NOC3L: variants seen among roughly 807,000 people sequenced by gnomAD.
NOC3L encodes the protein NOC3 like DNA replication regulator.
Under a neutral mutation model 102.5 loss-of-function variants are expected in NOC3L, and 85 were observed. The ratio of observed to expected loss-of-function variants is 0.83; its 90% CI spans 0.70 to 0.99. The LOEUF (loss-of-function observed/expected upper bound fraction) is 0.99. Among genes scored for constraint, NOC3L ranks in the 50% least tolerant of loss-of-function variants. The probability of loss-of-function intolerance (pLI) is 0.00; values close to 1 mark genes in which losing one functional copy is unlikely to be tolerated. For synonymous variants in NOC3L, 303 were observed against 309.4 expected (o/e 0.98, Z 0.22); for missense variants, 878 against 914.9 (o/e 0.96, Z 0.52).
chr10:94,361,559 G>A (rs1233386030), intron 2 of NOC3L, 106 bp downstream of exon 2: 3 of 1,035,012 alleles, frequency 2.9e-6, no homozygotes, highest in Non-Finnish European at 4.4e-6. Flanking sequence ...ACTCTAGGAA[G>A]ATCTGAGAAC....
chr10:94,324,791 A>G, the NOC3L span: 2 of 1,241,206 alleles, frequency 1.6e-6, no homozygotes, highest in African/African-American at 3.0e-5. Context: ...CTCTCTCCAA[A>G]GCTCTAGAGA....
chr10:94,359,780 A>G (rs1261300092), intron 2 of NOC3L, among the ~76,000 whole-genome samples: 1 of 151,978 alleles, frequency 6.6e-6, no homozygotes, highest in Non-Finnish European at 1.5e-5. Context: ...ACTCTCATAC[A>G]CTCTTGGTGG....
chr10:94,334,083 T>G lies in NOC3L; in HGVS notation c.*94A>C. 1 of 648,506 alleles carries G rather than the reference T, an allele frequency of 1.5e-6. No homozygotes were observed. Among genetic ancestry groups the G allele is most frequent in the Non-Finnish European group, 2.7e-6 (1 of 368,868 alleles). 40.2% of individuals were successfully genotyped at this position (648,506 alleles called of 1,614,324 possible). On this transcript the variant is annotated 3_prime_UTR_variant, in exon 21 of 21. Transcript: ENST00000371361. Reference sequence around the variant, plus strand: ...CTAGACATTCTTAGGAAGCTTTCCTTGTATAAAAAGAAAAGATCCTAAGTT... The same window carrying G: ...CTAGACATTCTTAGGAAGCTTTCCTGGTATAAAAAGAAAAGATCCTAAGTT...
Position 94,349,231 on chromosome 10 carries a change from T to TA in NOC3L, c.1257+18dup, listed in dbSNP as rs372355244. 5,809 of 1,172,388 alleles carry TA rather than the reference T, an allele frequency of 5.0e-3. No individual in the cohort carries two copies. The highest frequency in any genetic ancestry group is 9.0e-3 in the South Asian group (564 of 62,872). The allele number at this position is 1,172,388 out of a possible 1,614,324, so 72.6% of individuals were successfully genotyped here. ...TGTAATTTAAAAACAAAATGCAAAGTAAAAAAAAAAAGGCTCACCTCTGGC... is the reference window on the plus strand; with the variant it reads ...TGTAATTTAAAAACAAAATGCAAAGTAAAAAAAAAAAAGGCTCACCTCTGGC... On this transcript the variant is annotated intron_variant, in intron 10 of 20. Coordinates refer to ENST00000371361, the MANE Select transcript of NOC3L (RefSeq NM_022451.11).
chr10:94,337,678 T>C (rs1375211594), intron 19 of NOC3L, 99 bp downstream of exon 19: 1 of 736,302 alleles, frequency 1.4e-6, no homozygotes, highest in African/African-American at 1.8e-5. Context: ...ACTGGCACTT[T>C]ACATTTTGTA....
chr10:94,362,102 C>T (rs1408999657), intron 1 of NOC3L: 2 of 582,816 alleles, frequency 3.4e-6, no homozygotes, highest in Non-Finnish European at 6.1e-6. Flanking sequence ...TCTACGATCC[C>T]CAAACAGGTT....
chr10:94,343,480 C>G (rs937283103), intron 13 of NOC3L, among the ~76,000 whole-genome samples: 12 of 152,218 alleles, frequency 7.9e-5, no homozygotes, highest in African/African-American at 2.9e-4. Context: ...ACCGTATCAC[C>G]ATATAAGGAA....
Position 94,351,710 on chromosome 10 carries a change from A to G in NOC3L, c.952+600T>C, listed in dbSNP as rs531942207. ...TGCCTAATTTTTTTTTTTTTTTTTTAGAGACAGGAGTCTCACTACATTCCC... is the reference window on the plus strand; with the variant it reads ...TGCCTAATTTTTTTTTTTTTTTTTTGGAGACAGGAGTCTCACTACATTCCC... On this transcript the variant is annotated intron_variant, in intron 8 of 20. Coordinates refer to ENST00000371361, the MANE Select transcript of NOC3L (RefSeq NM_022451.11). 3.9e-5 allele frequency among the ~76,000 whole-genome samples: 5 copies of G among 128,248 alleles called. No individual in the cohort carries two copies. In the South Asian group the frequency reaches 1.2e-3, roughly 30 times the overall value. 84.1% of individuals were successfully genotyped at this position (128,248 alleles called of 152,430 possible). A position where few individuals can be genotyped will look rare whatever the true frequency, so the allele number is the denominator to read the frequency against.
At position 94,338,690 on chromosome 10, in the gene NOC3L, C is replaced by T; in HGVS notation, c.2009G>A (p.Ser670Asn). ...ATCCAGTTCAGGAAGGAAAACTCCA[C>T]TTCCCTGAGATTCACTGTCAAGCAG... ...DLLLDSESQG[S>N]GVFLPELDEP... Residue 670 changes from serine (S) to asparagine (N), a missense_variant, in exon 18 of 21, where the codon AGT becomes AAT. By Grantham distance (46) the Ser-to-Asn change is conservative. Coordinates refer to ENST00000371361, the MANE Select transcript of NOC3L (RefSeq NM_022451.11). 1 of 1,613,418 alleles carries T rather than the reference C, an allele frequency of 6.2e-7. No homozygotes were observed.
chr10:94,336,316 A>G (rs539589479), intron 19 of NOC3L, among the ~76,000 whole-genome samples: 4 of 151,740 alleles, frequency 2.6e-5, no homozygotes, highest in Admixed American at 6.6e-5. Flanking sequence ...TTGATCTTCA[A>G]CTTCCCAGCC....
chr10:94,319,431 T>C, the NOC3L span, among the ~76,000 whole-genome samples: 1 of 152,206 alleles, frequency 6.6e-6, no homozygotes, highest in South Asian at 2.1e-4. Context: ...TAATAAGACA[T>C]ATAAGCAGTT....
At chr10:94,339,690 AT>A in intron 17 of NOC3L, 48 bp downstream of exon 17, 1 of 1,472,430 alleles carries the variant, frequency 6.8e-7, no homozygotes, top group Non-Finnish European at 9.2e-7. Flanking sequence ...AACAAAAAAA[AT>A]CATTGCATTA....
the NOC3L span, chr10:94,321,905 T>G: frequency 3.7e-6 from 6 of 1,612,450 alleles, no homozygotes; most frequent in Non-Finnish European, 4.2e-6. Flanking sequence ...ACATAGAACC[T>G]AGAAGAGAAA....
In NOC3L at chr10:94,355,093, T is replaced by C. The variant is rs778900666; in HGVS notation, c.566A>G (p.Glu189Gly). Residue 189 changes from glutamate to glycine, a missense_variant and splice_region_variant, in exon 6 of 21, where the codon GAG becomes GGG. By Grantham distance (98) the Glu-to-Gly change is moderately conservative. Coordinates refer to ENST00000371361, the MANE Select transcript of NOC3L (RefSeq NM_022451.11). ...CTCTTGAATAGGATCTTCAATGATC[T>C]CTAAAACAGATTAGATGTTCCCTTA... ...DQEEERELEE[E>G]IIEDPIQELT... 1 of 1,608,854 alleles carries C rather than the reference T, an allele frequency of 6.2e-7. No homozygotes were observed. The highest frequency in any genetic ancestry group is 1.1e-5 in the South Asian group (1 of 90,550).
intron 19 of NOC3L, among the ~76,000 whole-genome samples, chr10:94,335,514 CATTTT>C (rs138437339): frequency 0.069 from 10,424 of 152,056 alleles, 468 homozygotes; most frequent in East Asian, 0.2. Flanking sequence ...AGTAAATGGC[CATTTT>C]ATTTAATAAG....
chr10:94,316,887 T>A, the NOC3L span: 1 of 720,258 alleles, frequency 1.4e-6, no homozygotes, highest in Non-Finnish European at 2.5e-6. Context: ...TAAGTAAATG[T>A]GGATGAACAG....
At chr10:94,330,689 C>T, downstream of NOC3L, 1 of 137,088 alleles carries the variant, frequency 7.3e-6, no homozygotes, top group South Asian at 2.2e-4. Flanking sequence ...GAGACTCCAT[C>T]TCAAAAAAAA....
the NOC3L span, among the ~76,000 whole-genome samples, chr10:94,323,400 CTTAG>C: frequency 1.1e-4 from 16 of 152,154 alleles, no homozygotes; most frequent in African/African-American, 3.9e-4. Flanking sequence ...AGATCTGTGC[CTTAG>C]TTATAGTAGT....
At chr10:94,357,829 C>A in intron 3 of NOC3L, 1 of 442,430 alleles carries the variant, frequency 2.3e-6, no homozygotes, top group Non-Finnish European at 4.0e-6. Context: ...CTGCCACTAC[C>A]TCAAAGTGAG....
Sources: gnomAD v4.1 joint callset for allele counts (sites outside exome capture counted in the v4.1 genomes callset) on GRCh38, gnomAD v4.1.1 for gene constraint, MANE v1.5 for transcripts, NCBI Gene and HGNC (gene_info 2026-07-23, HGNC 2026-07-21) for gene names.